The following COG6 variants were observed in gnomAD, a reference collection of about 807,000 sequenced individuals.
COG6 encodes the protein component of oligomeric golgi complex 6.
A neutral mutation model predicts 88.8 loss-of-function variants in COG6; 74 were observed. That is an observed-to-expected ratio of 0.83 (90% CI 0.69 to 1.01). The LOEUF (loss-of-function observed/expected upper bound fraction) is 1.01, where lower values mean the gene tolerates loss of function less well. Ranked by LOEUF, COG6 falls within the 50% of genes least tolerant of loss-of-function variation. COG6 has a pLI of 0.00. For synonymous variants in COG6, 286 were observed against 278.7 expected, an observed-to-expected ratio of 1.03 and a Z score of -0.26; for missense variants, 800 against 797.9, an observed-to-expected ratio of 1.00 and a Z score of -0.03.
intron 17 of COG6, among the ~76,000 whole-genome samples, chr13:39,725,096 CAT>C: frequency 6.6e-6 from 1 of 151,926 alleles, no homozygotes; most frequent in East Asian, 1.9e-4. Flanking sequence ...GTCTTAAATA[CAT>C]ATACTTTCCT....
intron 18 of COG6, among the ~76,000 whole-genome samples, chr13:39,769,202 C>T (rs911132911): frequency 6.6e-5 from 10 of 152,300 alleles, no homozygotes; most frequent in African/African-American, 2.4e-4. Flanking sequence ...CCTATGTACA[C>T]ATACTAGTGT....
At chr13:39,683,115 GTTAC>G (rs1876415189) in intron 8 of COG6, among the ~76,000 whole-genome samples, 1 of 152,160 alleles carries the variant, frequency 6.6e-6, no homozygotes, top group Non-Finnish European at 1.5e-5. Flanking sequence ...ACACCCCAGT[GTTAC>G]TTACTGAGTA....
chr13:39,765,976 T>C (rs974388110), intron 18 of COG6, among the ~76,000 whole-genome samples: 2 of 152,198 alleles, frequency 1.3e-5, no homozygotes, highest in African/African-American at 4.8e-5. Flanking sequence ...TTACAGGATT[T>C]AGCAACCCAA....
At chr13:39,773,695 G>T (rs547870908) in intron 18 of COG6, among the ~76,000 whole-genome samples, 4 of 152,094 alleles carry the variant, frequency 2.6e-5, no homozygotes, top group African/African-American at 9.7e-5. Flanking sequence ...GAGGAAATAG[G>T]TTAATTATTT....
chr13:39,655,658 C>T (rs1194349228), upstream of COG6: 2 of 1,523,066 alleles, frequency 1.3e-6, no homozygotes, highest in East Asian at 2.5e-5. Flanking sequence ...TGCACATGCG[C>T]AATACTCGCG....
chr13:39,722,269 A>C (rs2138081057), intron 15 of COG6, among the ~76,000 whole-genome samples: 1 of 151,896 alleles, frequency 6.6e-6, no homozygotes, highest in South Asian at 2.1e-4. Flanking sequence ...TAGTAAATCC[A>C]GCAAGTAAGG....
intron 8 of COG6, among the ~76,000 whole-genome samples, chr13:39,683,577 C>G (rs901895915): frequency 3.9e-5 from 6 of 152,164 alleles, no homozygotes; most frequent in Non-Finnish European, 8.8e-5. Context: ...CATTGATCAG[C>G]AGCTTAACAG....
intron 1 of COG6, chr13:39,656,167 A>C (rs747459474): frequency 8.7e-6 from 5 of 575,190 alleles, no homozygotes; most frequent in African/African-American, 1.8e-5. Context: ...TGCCTCGAGA[A>C]GTGTCCTCCA....
chr13:39,780,504 G>T (rs1881598176), intron 18 of COG6, among the ~76,000 whole-genome samples: 1 of 152,044 alleles, frequency 6.6e-6, no homozygotes. Context: ...ACTATTTTTG[G>T]CCTAATATCC....
At chr13:39,662,490 C>A (rs1874970092) in intron 3 of COG6, among the ~76,000 whole-genome samples, 13 of 152,046 alleles carry the variant, frequency 8.6e-5, no homozygotes. Flanking sequence ...TGGCATGGGC[C>A]TATTTTCTTT....
chr13:39,662,222 T>C, intron 3 of COG6, among the ~76,000 whole-genome samples: 1 of 151,264 alleles, frequency 6.6e-6, no homozygotes, highest in Non-Finnish European at 1.5e-5. Context: ...TTCCACCTTC[T>C]GAGTTCAAAC....
Position 39,694,747 on chromosome 13 carries a change from G to T in COG6, c.1166+22G>T, listed in dbSNP as rs781714330. 4 of 1,260,232 alleles carry T rather than the reference G, an allele frequency of 3.2e-6. No individual in the cohort carries two copies. The Admixed American group carries it at 7.0e-5, about 22-fold the overall frequency. 78.1% of individuals were successfully genotyped at this position (1,260,232 alleles called of 1,614,324 possible). A position where few individuals can be genotyped will look rare whatever the true frequency, so the allele number is the denominator to read the frequency against. ...TCAGGTAAGTAGAATGGCAAAATGT[G>T]CTTGCTAAATCCAATGTGATATTTC... On this transcript the variant is annotated intron_variant, in intron 12 of 18. Coordinates refer to ENST00000455146, the MANE Select transcript of COG6 (RefSeq NM_020751.3).
chr13:39,771,015 A>G (rs1171377983), intron 18 of COG6, among the ~76,000 whole-genome samples: 1 of 152,190 alleles, frequency 6.6e-6, no homozygotes, highest in African/African-American at 2.4e-5. Flanking sequence ...TCTGGGGCTC[A>G]AGCATTAGCT....
At chr13:39,656,153 G>T (rs1420576282) in intron 1 of COG6, 1 of 613,838 alleles carries the variant, frequency 1.6e-6, no homozygotes, top group Admixed American at 2.1e-5. Context: ...TTGGTGAACG[G>T]TGGTGCCTCG....
In COG6 at chr13:39,706,798, C is replaced by A. The variant is rs199661450; in HGVS notation, c.1284+7180C>A. Among the ~76,000 whole-genome samples, 6 of 152,196 alleles carry A rather than the reference C, an allele frequency of 3.9e-5. No homozygotes were observed. In the East Asian group the frequency reaches 1.2e-3, roughly 30 times the overall value. ...TCCTGGGTTCAAGCGATTCTCCTGC[C>A]TCAGCCTCCCGAGTAGCTGGGGTTA... On this transcript the variant is annotated intron_variant, in intron 13 of 18. Transcript: ENST00000455146.
chr13:39,673,751 CAGAT>C (rs140625331), intron 4 of COG6, among the ~76,000 whole-genome samples: 4,500 of 151,944 alleles, frequency 0.03, 104 homozygotes, highest in Non-Finnish European at 0.044. Context: ...CTCTACCACT[CAGAT>C]AGAACCACAA....
intron 18 of COG6, among the ~76,000 whole-genome samples, chr13:39,777,741 A>G (rs1029840230): frequency 6.6e-6 from 1 of 152,166 alleles, no homozygotes; most frequent in Non-Finnish European, 1.5e-5. Flanking sequence ...ATTACTCATC[A>G]TGTGCCTTCT....
At position 39,714,429 on chromosome 13, in the gene COG6, A is replaced by G. The variant is rs535107384; in HGVS notation, c.1285-4807A>G. ...AAGGAACACAAACAAATCAGCAAGA[A>G]AAAAACAAATAATCCCATCAAAAAG... is the stretch of plus-strand genomic sequence containing the variant. On this transcript the variant is annotated intron_variant, in intron 13 of 18. Transcript: ENST00000455146. 1.3e-4 allele frequency among the ~76,000 whole-genome samples: 20 copies of G among 152,254 alleles called. 2 individuals carry two copies. In the South Asian group the frequency reaches 3.9e-3, roughly 30 times the overall value.
At chr13:39,679,837 A>G (rs898714907) in intron 6 of COG6, 138 bp from the exon 7 acceptor site, 2 of 683,574 alleles carry the variant, frequency 2.9e-6, no homozygotes, top group African/African-American at 3.6e-5. Flanking sequence ...ATTTAATTGT[A>G]GAAAATTATT....
Sources: allele counts gnomAD v4.1 joint callset (sites outside exome capture counted in the v4.1 genomes callset), GRCh38; gene constraint gnomAD v4.1.1; transcripts MANE v1.5; gene names NCBI Gene and HGNC (gene_info 2026-07-23, HGNC 2026-07-21).